The following PCDHGB1 variants were observed in gnomAD, a reference collection of about 807,000 sequenced individuals.
The protein encoded by PCDHGB1 is protocadherin gamma subfamily B, 1.
In PCDHGB1, 34 loss-of-function variants were observed where a neutral mutation model predicts 56.6. The ratio of observed to expected loss-of-function variants is 0.60; its 90% CI spans 0.46 to 0.80. PCDHGB1 has a LOEUF of 0.80. PCDHGB1 is among the 30% of genes least tolerant of loss of function. The pLI is 0.00. For missense variants in PCDHGB1, 1,278 were observed against 1,204.6 expected, an observed-to-expected ratio of 1.06 and a Z score of -0.90; for synonymous variants, 561 against 505.9, an observed-to-expected ratio of 1.11 and a Z score of -1.46.
Position 141,490,225 on chromosome 5 carries a change from G to A in PCDHGB1, c.2410-4582G>A, listed in dbSNP as rs2099697468. On this transcript the variant is annotated intron_variant, in intron 1 of 3. Coordinates refer to ENST00000523390, the MANE Select transcript of PCDHGB1 (RefSeq NM_018922.3). This position sits in a 1 kb window ranked among gnomAD's most constrained non-coding sequence, Gnocchi z 5.4. The stretch of plus-strand genomic sequence containing the variant: ...AAGAGCCCGTGACCAGGGACAGCCT[G>A]CCATGGAGGGCCACTGTGTGATTCA... The A allele has an allele frequency of 6.2e-7, 1 of 1,614,112 alleles. No homozygotes were observed. The highest frequency in any genetic ancestry group is 1.1e-5 in the South Asian group (1 of 91,090).
rs775270875 is a variant in PCDHGB1 at position 141,410,577 on chromosome 5, A to G, written c.2409+57908A>G. ...TCTCCTGGAGCCTTAATTCCACCTCATGGTGGGGAGGATTTGACTTCACAT... is the reference window on the plus strand; with the variant it reads ...TCTCCTGGAGCCTTAATTCCACCTCGTGGTGGGGAGGATTTGACTTCACAT... On this transcript the variant is annotated intron_variant, in intron 1 of 3. Coordinates refer to ENST00000523390, the MANE Select transcript of PCDHGB1 (RefSeq NM_018922.3). 4 of 1,610,116 alleles carry G rather than the reference A, an allele frequency of 2.5e-6. No homozygotes were observed. In the Admixed American group the frequency reaches 5.0e-5, roughly 20 times the overall value.
At chr5:141,407,964 C>G in intron 1 of PCDHGB1, 1 of 683,628 alleles carries the variant, frequency 1.5e-6, no homozygotes, top group Non-Finnish European at 2.3e-6. Context: ...GCAGAGCAAG[C>G]GCTGACGCCG....
intron 1 of PCDHGB1, chr5:141,440,534 C>A (rs562736984): frequency 1.3e-5 from 2 of 152,188 alleles, no homozygotes; most frequent in East Asian, 3.9e-4. Flanking sequence ...TCATGCACCA[C>A]GGTTCAGCAG....
At chr5:141,488,070 C>A (rs777154469) in intron 1 of PCDHGB1, among the ~76,000 whole-genome samples, 3 of 152,076 alleles carry the variant, frequency 2.0e-5, no homozygotes, top group Non-Finnish European at 1.5e-5. Context: ...TCTTTGTCTC[C>A]CAGTATCTAG....
At chr5:141,363,170 G>A (rs1375062586) in intron 1 of PCDHGB1, among the ~76,000 whole-genome samples, 1 of 152,186 alleles carries the variant, frequency 6.6e-6, no homozygotes, top group Non-Finnish European at 1.5e-5. Context: ...TCTCTAACAT[G>A]CATTTTAACA....
At chr5:141,374,816 C>A (rs771806207) in intron 1 of PCDHGB1, 1 of 1,613,964 alleles carries the variant, frequency 6.2e-7, no homozygotes, top group Non-Finnish European at 8.5e-7. Context: ...GTTTACTCAG[C>A]CTGTCTACCG....
At chr5:141,443,312 C>T (rs1296976995) in intron 1 of PCDHGB1, among the ~76,000 whole-genome samples, 2 of 115,698 alleles carry the variant, frequency 1.7e-5, no homozygotes, top group Non-Finnish European at 3.3e-5. Flanking sequence ...AAAAACCCAT[C>T]TCTACAAAAA....
chr5:141,478,748 A>G (rs2099474609), intron 1 of PCDHGB1: 2 of 1,525,644 alleles, frequency 1.3e-6, no homozygotes, highest in African/African-American at 1.4e-5. Context: ...GTCCCATTTC[A>G]GGGGGAAGAT....
intron 1 of PCDHGB1, among the ~76,000 whole-genome samples, chr5:141,429,564 C>A (rs995466828): frequency 2.0e-5 from 3 of 152,092 alleles, no homozygotes; most frequent in African/African-American, 7.2e-5. Flanking sequence ...TGATAATATT[C>A]AGTTACATTT....
chr5:141,435,733 T>C (rs950139563), intron 1 of PCDHGB1, among the ~76,000 whole-genome samples: 12 of 152,208 alleles, frequency 7.9e-5, no homozygotes, highest in African/African-American at 2.7e-4. Context: ...AGTGTATTAC[T>C]CTTTGAAAAG....
chr5:141,404,787 G>A (rs1561696267), intron 1 of PCDHGB1: 23 of 1,613,988 alleles, frequency 1.4e-5, no homozygotes, highest in Non-Finnish European at 1.9e-5. Context: ...TTCAAGGCCA[G>A]TGAGCCAGGG....
intron 2 of PCDHGB1, among the ~76,000 whole-genome samples, chr5:141,503,570 G>T (rs996006002): frequency 3.4e-4 from 50 of 147,216 alleles, no homozygotes; most frequent in African/African-American, 1.2e-3. Context: ...CTGTACTCCA[G>T]CCTGGGTGAC....
At chr5:141,374,058 C>G in intron 1 of PCDHGB1, 1 of 1,487,942 alleles carries the variant, frequency 6.7e-7, no homozygotes, top group Non-Finnish European at 8.9e-7. Flanking sequence ...CTTCTTAATC[C>G]CAGAGAAGTT....
intron 1 of PCDHGB1, chr5:141,423,492 C>T (rs2154550191): frequency 1.2e-6 from 2 of 1,613,972 alleles, no homozygotes; most frequent in East Asian, 4.5e-5. Context: ...AAACCTATTC[C>T]CACGAGGTCT....
intron 1 of PCDHGB1, among the ~76,000 whole-genome samples, chr5:141,483,557 G>A (rs141633312): frequency 4.5e-4 from 69 of 152,276 alleles, no homozygotes; most frequent in Admixed American, 1.9e-3. Context: ...GCCATTCACA[G>A]AGACAGTGAA....
Position 141,352,199 on chromosome 5 carries a change from C to G in PCDHGB1, c.1939C>G (p.Gln647Glu). 6.2e-7 allele frequency: 1 copy of G among 1,613,920 alleles called. No homozygotes were observed. The highest frequency in any genetic ancestry group is 8.5e-7 in the Non-Finnish European group (1 of 1,179,884). The change falls in exon 1 of 4, where the codon CAG becomes GAG. Residue 647 changes from glutamine (Q) to glutamate (E), a missense_variant. Gln to Glu is a conservative substitution (Grantham distance 29). Transcript: ENST00000523390. ...GCTGGTCGCTGTGCGTGATGGAGGA[C>G]AGCCGCCACTCTCCGCCACCGCCAC... ...RLLVAVRDGG[Q>E]PPLSATATLH...
chr5:141,407,497 G>GTTTTTTTTTTTTTTTTTTTTTTTTT (rs1554102286), intron 1 of PCDHGB1, among the ~76,000 whole-genome samples: 1 of 151,974 alleles, frequency 6.6e-6, no homozygotes, highest in African/African-American at 2.4e-5. Context: ...CTTTATTTCT[G>GTTTTTTTTTTTTTTTTTTTTTTTTT]TTTTTCTTAG....
At position 141,365,464 on chromosome 5, in the gene PCDHGB1, A is replaced by C. The variant is rs1763932491; in HGVS notation, c.2409+12795A>C. Reference sequence around the variant, plus strand: ...GCGTACATGATGGTGATTCTGGAGAAAATGGTGAGATTGCATGCTCTATTC... The same window carrying C: ...GCGTACATGATGGTGATTCTGGAGACAATGGTGAGATTGCATGCTCTATTC... On this transcript the variant is annotated intron_variant, in intron 1 of 3. Coordinates refer to ENST00000523390, the MANE Select transcript of PCDHGB1 (RefSeq NM_018922.3). The C allele has an allele frequency of 1.9e-6, 3 of 1,614,072 alleles. No individual in the cohort carries two copies. In the East Asian group the frequency reaches 6.7e-5, roughly 36 times the overall value.
intron 1 of PCDHGB1, among the ~76,000 whole-genome samples, chr5:141,368,786 T>A (rs997077499): frequency 6.6e-6 from 1 of 152,202 alleles, no homozygotes; most frequent in Non-Finnish European, 1.5e-5. Flanking sequence ...TTCTGAAGAA[T>A]AATTTTTCAT....
Sources: gnomAD v4.1 joint callset for allele counts (sites outside exome capture counted in the v4.1 genomes callset) on GRCh38, gnomAD v4.1.1 for gene constraint, Gnocchi (gnomAD v3.1) non-coding constraint, MANE v1.5 for transcripts, NCBI Gene and HGNC (gene_info 2026-07-23, HGNC 2026-07-21) for gene names.